Variants in PAX3 observed in about 807,000 individuals in gnomAD.
PAX3 encodes the protein paired box 3.
In PAX3, 14 loss-of-function variants were observed where a neutral mutation model predicts 51.6. That is an observed-to-expected ratio of 0.27 (90% CI 0.18 to 0.42). The LOEUF is 0.42. Among genes scored for constraint, PAX3 ranks in the 10% least tolerant of loss-of-function variants. PAX3 has a pLI of 1.00. For synonymous variants in PAX3, 280 were observed against 253.4 expected (o/e 1.11, Z -1.00); for missense variants, 540 against 642.8 (o/e 0.84, Z 1.73).
rs995170460 is a variant in PAX3 at position 222,216,388 on chromosome 2, A to G, written c.1173+3752T>C. On this transcript the variant is annotated intron_variant, in intron 7 of 8. Coordinates refer to ENST00000392070, the MANE Select transcript of PAX3 (RefSeq NM_181458.4). ...AACAAGAAAAACTTGCCAATGATTA[A>G]AAAATGCACAGACCCTTTCAGCAAC... is the stretch of plus-strand genomic sequence containing the variant. Among the ~76,000 whole-genome samples the G allele has an allele frequency of 7.3e-4, 111 of 152,226 alleles. 1 individual carries two copies. The highest frequency in any genetic ancestry group is 7.3e-5 in the Non-Finnish European group (5 of 68,044).
intron 7 of PAX3, among the ~76,000 whole-genome samples, chr2:222,202,674 A>G (rs1272482660): frequency 6.7e-6 from 1 of 150,360 alleles, no homozygotes; most frequent in Non-Finnish European, 1.5e-5. Context: ...TTTTTCATGT[A>G]CTTTGAGATC....
intron 5 of PAX3, among the ~76,000 whole-genome samples, chr2:222,223,706 A>T (rs1023348002): frequency 2.0e-5 from 3 of 152,234 alleles, no homozygotes; most frequent in Admixed American, 2.0e-4. Flanking sequence ...TGTACAGTGC[A>T]TCTCCAGCTT....
intron 5 of PAX3, among the ~76,000 whole-genome samples, chr2:222,231,053 A>G (rs1692575622): frequency 6.6e-6 from 1 of 152,116 alleles, no homozygotes; most frequent in South Asian, 2.1e-4. Context: ...CACTATGATG[A>G]TCATATGGAA....
intron 4 of PAX3, among the ~76,000 whole-genome samples, chr2:222,245,224 C>G (rs1412114380): frequency 6.6e-6 from 1 of 152,182 alleles, no homozygotes; most frequent in Non-Finnish European, 1.5e-5. Context: ...CCAAATACCT[C>G]AGGGCCTAAA....
chr2:222,291,041 G>A (rs926631434), intron 4 of PAX3, among the ~76,000 whole-genome samples: 1 of 152,260 alleles, frequency 6.6e-6, no homozygotes, highest in East Asian at 1.9e-4. Flanking sequence ...CTTCGAGCCG[G>A]CCAGAGAGTA....
chr2:222,223,545 G>C lies in PAX3; in HGVS notation c.793-2158C>G, dbSNP rs540634514. Among the ~76,000 whole-genome samples, 397 of 152,266 alleles carry C rather than the reference G, an allele frequency of 2.6e-3. 2 individuals carry two copies. Among genetic ancestry groups the C allele is most frequent in the South Asian group, 0.022 (107 of 4,820 alleles). On this transcript the variant is annotated intron_variant, in intron 5 of 8. Coordinates refer to ENST00000392070, the MANE Select transcript of PAX3 (RefSeq NM_181458.4). ...GAACAAACTGTGTTAGCTTGGGGAG[G>C]CTGAAGGTGGGAAATTAGGGTCATG...
intron 7 of PAX3, chr2:222,214,924 T>A (rs538657656): frequency 2.0e-5 from 3 of 152,312 alleles, no homozygotes; most frequent in Admixed American, 6.5e-5. Context: ...AAGCCTATTT[T>A]CTTATTTTGT....
intron 5 of PAX3, among the ~76,000 whole-genome samples, chr2:222,228,241 A>G (rs2106087757): frequency 6.6e-6 from 1 of 152,310 alleles, no homozygotes; most frequent in South Asian, 2.1e-4. Flanking sequence ...ATGTGTCTCA[A>G]GGGAACTAAA....
At chr2:222,222,772 T>C (rs1406257811) in intron 5 of PAX3, among the ~76,000 whole-genome samples, 1 of 152,204 alleles carries the variant, frequency 6.6e-6, no homozygotes, top group Non-Finnish European at 1.5e-5. Flanking sequence ...CTCTGGTAGT[T>C]TGATGCCTTG....
chr2:222,232,177 C>T lies in PAX3; in HGVS notation c.693G>A (p.Leu231=). Residue 231 remains leucine, a synonymous_variant, in exon 5 of 9, where the codon CTG becomes CTA. Coordinates refer to ENST00000392070, the MANE Select transcript of PAX3 (RefSeq NM_181458.4). The part of the protein sequence containing the change: ...RSRTTFTAEQ[L]EELERAFERT... ...TCTCAAAAGCACGCTCCAGTTCCTC[C>T]AGCTGTTCTGCTGTGAAGGTGGTTC... is the stretch of plus-strand genomic sequence containing the variant. 4 of 1,614,084 alleles carry T rather than the reference C, an allele frequency of 2.5e-6. No homozygotes were observed. Among genetic ancestry groups the T allele is most frequent in the Non-Finnish European group, 3.4e-6 (4 of 1,179,958 alleles).
At chr2:222,249,494 G>A (rs45472298) in intron 4 of PAX3, among the ~76,000 whole-genome samples, 2 of 151,720 alleles carry the variant, frequency 1.3e-5, no homozygotes, top group South Asian at 2.1e-4. Context: ...TTCTTCTCCC[G>A]TTTCAAAAAA....
At chr2:222,273,699 A>G (rs1694326405) in intron 4 of PAX3, among the ~76,000 whole-genome samples, 1 of 152,240 alleles carries the variant, frequency 6.6e-6, no homozygotes, top group South Asian at 2.1e-4. Flanking sequence ...TTAAAGCTGC[A>G]CAAAGCTTAG....
chr2:222,292,201 G>T (rs899704445), intron 4 of PAX3, among the ~76,000 whole-genome samples: 1 of 152,178 alleles, frequency 6.6e-6, no homozygotes, highest in Non-Finnish European at 1.5e-5. Context: ...AGCTATTGGG[G>T]CTCATTGAAT....
intron 4 of PAX3, among the ~76,000 whole-genome samples, chr2:222,240,352 T>C (rs1352479423): frequency 1.3e-5 from 2 of 152,188 alleles, no homozygotes; most frequent in African/African-American, 4.8e-5. Context: ...CCCAACATCC[T>C]AAGCTTCTCA....
At chr2:222,288,100 A>T (rs995879458) in intron 4 of PAX3, among the ~76,000 whole-genome samples, 1 of 152,252 alleles carries the variant, frequency 6.6e-6, no homozygotes, top group Non-Finnish European at 1.5e-5. Flanking sequence ...TAATAAAAGA[A>T]AAACCTATGC....
chr2:222,238,553 T>G (rs1692885571), intron 4 of PAX3, among the ~76,000 whole-genome samples: 1 of 152,210 alleles, frequency 6.6e-6, no homozygotes, highest in South Asian at 2.1e-4. Context: ...CCATTTAAAT[T>G]CTATGTTTGC....
chr2:222,273,919 G>T (rs1344039898), intron 4 of PAX3, among the ~76,000 whole-genome samples: 1 of 152,058 alleles, frequency 6.6e-6, no homozygotes, highest in Non-Finnish European at 1.5e-5. Context: ...TTAGAAAATG[G>T]CCATCTTTTG....
intron 4 of PAX3, among the ~76,000 whole-genome samples, chr2:222,285,348 A>T (rs1316820470): frequency 6.6e-6 from 1 of 152,254 alleles, no homozygotes; most frequent in East Asian, 1.9e-4. Flanking sequence ...TATGAAGGAA[A>T]CTAGGAAGTT....
intron 4 of PAX3, among the ~76,000 whole-genome samples, chr2:222,252,310 A>G (rs891134822): frequency 3.9e-5 from 6 of 152,220 alleles, no homozygotes; most frequent in African/African-American, 1.2e-4. Context: ...CCAACATTTT[A>G]TAGGTGCTTA....
Sources: allele counts gnomAD v4.1 joint callset (sites outside exome capture counted in the v4.1 genomes callset), GRCh38; gene constraint gnomAD v4.1.1; transcripts MANE v1.5; gene names NCBI Gene and HGNC (gene_info 2026-07-23, HGNC 2026-07-21).